NUP133: variants seen among roughly 807,000 people sequenced by gnomAD.
NUP133 encodes the protein nucleoporin 133.
Under a neutral mutation model 146.2 loss-of-function variants are expected in NUP133, and 66 were observed. The ratio of observed to expected loss-of-function variants is 0.45; its 90% CI spans 0.37 to 0.55. The LOEUF is 0.55. NUP133 is among the 20% of genes least tolerant of loss of function. The pLI, the probability that NUP133 is intolerant of heterozygous loss-of-function variation, is 0.00. For missense variants in NUP133, 1,277 were observed against 1,374.8 expected, an observed-to-expected ratio of 0.93 and a Z score of 1.12; for synonymous variants, 521 against 498.8, an observed-to-expected ratio of 1.04 and a Z score of -0.59.
chr1:229,496,103 A>G, intron 6 of NUP133, 56 bp from the exon 7 acceptor site: 6 of 1,350,714 alleles, frequency 4.4e-6, no homozygotes, highest in Non-Finnish European at 5.9e-6. Flanking sequence ...ATGCTAAGGA[A>G]CTATTGTTTT....
intron 13 of NUP133, among the ~76,000 whole-genome samples, chr1:229,476,121 GAAA>G (rs370573103): frequency 7.9e-6 from 1 of 126,522 alleles, no homozygotes; most frequent in Non-Finnish European, 1.7e-5. Context: ...AAAGAAAAGG[GAAA>G]AAAAAAAAAA....
intron 9 of NUP133, among the ~76,000 whole-genome samples, chr1:229,488,526 C>T (rs1661419273): frequency 6.6e-6 from 1 of 152,118 alleles, no homozygotes; most frequent in East Asian, 1.9e-4. Flanking sequence ...TAGTCTTCTG[C>T]CCTGGCTGAA....
In NUP133 at chr1:229,482,579, A is replaced by G. The variant is rs139059378; in HGVS notation, c.1592+1475T>C. Among the ~76,000 whole-genome samples, 414 of 152,312 alleles carry G rather than the reference A, an allele frequency of 2.7e-3. 3 individuals are homozygous for G. Among genetic ancestry groups the G allele is most frequent in the Middle Eastern group, 6.8e-3 (2 of 294 alleles). On this transcript the variant is annotated intron_variant, in intron 12 of 25. Coordinates refer to ENST00000261396, the MANE Select transcript of NUP133 (RefSeq NM_018230.3). ...CCATACCTTTTAAGGAAAGTACCAG[A>G]ATACATGAGCAGAATACATGTCTAA... is the stretch of plus-strand genomic sequence containing the variant.
chr1:229,483,413 T>C (rs1049486325), intron 12 of NUP133, among the ~76,000 whole-genome samples: 3 of 152,120 alleles, frequency 2.0e-5, no homozygotes, highest in Admixed American at 1.3e-4. Context: ...AATTCTTTAA[T>C]ATTACCAATA....
At chr1:229,483,696 CAAAAAAAA>C (rs35673633) in intron 12 of NUP133, among the ~76,000 whole-genome samples, 1 of 57,536 alleles carries the variant, frequency 1.7e-5, no homozygotes, top group African/African-American at 5.1e-5. Flanking sequence ...CGGAGTGTCT[CAAAAAAAA>C]AAAAAAAAAA....
At chr1:229,475,317 T>C (rs1198392107) in intron 14 of NUP133, among the ~76,000 whole-genome samples, 1 of 152,222 alleles carries the variant, frequency 6.6e-6, no homozygotes, top group Non-Finnish European at 1.5e-5. Flanking sequence ...AGGAATACTT[T>C]CAATGAGGAT....
chr1:229,457,273 T>A (rs1660591179), intron 21 of NUP133, among the ~76,000 whole-genome samples: 1 of 152,216 alleles, frequency 6.6e-6, no homozygotes, highest in South Asian at 2.1e-4. Flanking sequence ...TTTTTAAAAA[T>A]CAGATTCTAT....
Position 229,506,140 on chromosome 1 carries a change from C to G in NUP133, c.201G>C (p.Met67Ile), listed in dbSNP as rs1661929505. The change falls in exon 2 of 26, where the codon ATG becomes ATC. Residue 67 changes from methionine to isoleucine, a missense_variant. Around this residue, in one of 3 missense-constraint regions of NUP133, gnomAD observed 319 missense variants for 306.9 expected, o/e 1.04. Coordinates refer to ENST00000261396, the MANE Select transcript of NUP133 (RefSeq NM_018230.3). ...SLSSRGTPTR[M>I]FPHHSITESV... ...ACTCAGTTATGGAGTGGTGTGGGAA[C>G]ATTCGTGTTGGTGTTCCCCTAAAGA... 2 of 1,608,926 alleles carry G rather than the reference C, an allele frequency of 1.2e-6. No homozygotes were observed. Among genetic ancestry groups the G allele is most frequent in the Non-Finnish European group, 1.7e-6 (2 of 1,176,070 alleles).
intron 24 of NUP133, among the ~76,000 whole-genome samples, chr1:229,447,771 C>A (rs1430498131): frequency 2.0e-5 from 3 of 152,164 alleles, no homozygotes; most frequent in Admixed American, 6.6e-5. Context: ...GTTCCAAGCC[C>A]CTTCCCCTAT....
intron 15 of NUP133, among the ~76,000 whole-genome samples, chr1:229,469,045 T>C (rs1413574497): frequency 1.3e-5 from 2 of 152,230 alleles, no homozygotes; most frequent in East Asian, 3.8e-4. Context: ...AAAAAGAGAC[T>C]TGTCGGCACA....
At chr1:229,501,473 A>G (rs547790729) in intron 3 of NUP133, among the ~76,000 whole-genome samples, 4 of 152,352 alleles carry the variant, frequency 2.6e-5, no homozygotes, top group Admixed American at 2.6e-4. Flanking sequence ...TGACTGGTAG[A>G]AGAGAGTAGT....
In NUP133 at chr1:229,508,281, G is replaced by A. The variant is rs770295477; in HGVS notation, c.-32C>T. ...AAGGAGCAGCGACTAGGACAGCGAG[G>A]GATCTGGCCGTCAGGTTGCAGCCTG... is the stretch of plus-strand genomic sequence containing the variant. On this transcript the variant is annotated 5_prime_UTR_variant, in exon 1 of 26. Coordinates refer to ENST00000261396, the MANE Select transcript of NUP133 (RefSeq NM_018230.3). 13 of 1,401,130 alleles carry A rather than the reference G, an allele frequency of 9.3e-6. No individual in the cohort carries two copies. Among genetic ancestry groups the A allele is most frequent in the Non-Finnish European group, 1.1e-5 (12 of 1,068,916 alleles). The allele number at this position is 1,401,130 out of a possible 1,614,324, so 86.8% of individuals were successfully genotyped here.
chr1:229,454,135 G>T (rs533752385), intron 21 of NUP133, among the ~76,000 whole-genome samples: 17 of 152,294 alleles, frequency 1.1e-4, no homozygotes, highest in Admixed American at 5.9e-4. Context: ...AGAAAAACAA[G>T]ACCTGGAAGA....
intron 3 of NUP133, 61 bp downstream of exon 3, chr1:229,501,938 A>G (rs1179757584): frequency 8.0e-7 from 1 of 1,252,216 alleles, no homozygotes; most frequent in Non-Finnish European, 1.2e-6. Context: ...TAGGGTAAAA[A>G]TGAAAAGTCA....
chr1:229,481,735 G>C (rs1442535090), intron 12 of NUP133, among the ~76,000 whole-genome samples: 1 of 151,312 alleles, frequency 6.6e-6, no homozygotes, highest in Non-Finnish European at 1.5e-5. Context: ...TGTGAGGACA[G>C]CTACGTGACA....
At position 229,458,248 on chromosome 1, in the gene NUP133, C is replaced by G. The variant is rs1418886402; in HGVS notation, c.2893G>C (p.Ala965Pro). 1.8e-5 allele frequency: 29 copies of G among 1,613,532 alleles called. No individual in the cohort carries two copies. Among genetic ancestry groups the G allele is most frequent in the Non-Finnish European group, 2.3e-5 (27 of 1,179,656 alleles). ...GLANMETRYF[A>P]KKKTLLGLSK... The stretch of plus-strand genomic sequence containing the variant: ...AAGCCAAGAAGGGTTTTCTTCTTTG[C>G]AAAGTAACGAGTTTCCATATTTGCC... The change falls in exon 21 of 26, where the codon GCA becomes CCA. Residue 965 changes from alanine to proline, a missense_variant. By Grantham distance (27) the Ala-to-Pro change is conservative (BLOSUM62 -1). Coordinates refer to ENST00000261396, the MANE Select transcript of NUP133 (RefSeq NM_018230.3).
chr1:229,497,313 G>GA (rs144970404), intron 6 of NUP133, among the ~76,000 whole-genome samples: 1 of 152,200 alleles, frequency 6.6e-6, no homozygotes, highest in Non-Finnish European at 1.5e-5. Context: ...CTGGGTCACT[G>GA]AAAAAAGGGA....
At position 229,496,030 on chromosome 1, in the gene NUP133, C is replaced by A; in HGVS notation, c.837G>T (p.Trp279Cys). The change falls in exon 7 of 26, where the codon TGG becomes TGT. Residue 279 changes from tryptophan (W) to cysteine (C), a missense_variant. Coordinates refer to ENST00000261396, the MANE Select transcript of NUP133 (RefSeq NM_018230.3). Reference sequence around the variant, plus strand: ...TATAAAAGCTTGATCTCTCTCTATCCCAGAGAACACTTGAAAGCTATTCAG... The same window carrying A: ...TATAAAAGCTTGATCTCTCTCTATCACAGAGAACACTTGAAAGCTATTCAG... ...SSDLTLSSVL[W>C]DRERSSFYSL... 6.3e-7 allele frequency: 1 copy of A among 1,585,814 alleles called. No individual in the cohort carries two copies. The highest frequency in any genetic ancestry group is 1.4e-5 in the African/African-American group (1 of 73,220).
In NUP133 at chr1:229,460,789, G is replaced by C. The variant is rs761674637; in HGVS notation, c.2686-20C>G. On this transcript the variant is annotated intron_variant, in intron 19 of 25. Coordinates refer to ENST00000261396, the MANE Select transcript of NUP133 (RefSeq NM_018230.3). ...AAAATTCTACAAATAACAGAACATAGAATTCATTCATAATAGTTTAAAAAA... is the reference window on the plus strand; with the variant it reads ...AAAATTCTACAAATAACAGAACATACAATTCATTCATAATAGTTTAAAAAA... 1.3e-6 allele frequency: 2 copies of C among 1,593,246 alleles called. No individual in the cohort carries two copies. The highest frequency in any genetic ancestry group is 2.3e-5 in the South Asian group (2 of 88,306).
Sources: allele counts gnomAD v4.1 joint callset (sites outside exome capture counted in the v4.1 genomes callset), GRCh38; gene constraint gnomAD v4.1.1; regional missense constraint gnomAD v4.1.1; transcripts MANE v1.5; gene names NCBI Gene and HGNC (gene_info 2026-07-23, HGNC 2026-07-21).